ING1: variants seen among roughly 807,000 people sequenced by gnomAD.
ING1 encodes the protein inhibitor of growth protein 1.
In ING1, 4 loss-of-function variants were observed where a neutral mutation model predicts 23.1. The ratio of observed to expected loss-of-function variants is 0.17; its 90% CI spans 0.09 to 0.40. The LOEUF is 0.40. Among genes scored for constraint, ING1 ranks in the 10% least tolerant of loss-of-function variants. The pLI, the probability that ING1 is intolerant of heterozygous loss-of-function variation, is 1.00. For missense variants in ING1, 256 were observed against 393.8 expected (o/e 0.65, Z 2.96); for synonymous variants, 179 against 166.4 (o/e 1.08, Z -0.58).
Position 110,716,153 on chromosome 13 carries a change from G to A in ING1, c.136+1868G>A, listed in dbSNP as rs144185722. 8.8e-4 allele frequency: 731 copies of A among 830,176 alleles called. 6 individuals are homozygous for A. In the African/African-American group the frequency reaches 0.012, roughly 13 times the overall value. 51.4% of individuals were successfully genotyped at this position (830,176 alleles called of 1,614,324 possible). ...GGCAGGGGCTGAGACCACTTTGATC[G>A]TTCGACGATAGAAAAAAGTAGCGCG... On this transcript the variant is annotated intron_variant, in intron 1 of 1. Transcript: ENST00000333219.
Position 110,719,252 on chromosome 13 carries a change from T to G in ING1, c.160T>G (p.Cys54Gly). The G allele has an allele frequency of 6.2e-7, 1 of 1,612,934 alleles. No homozygotes were observed. Among genetic ancestry groups the G allele is most frequent in the Non-Finnish European group, 8.5e-7 (1 of 1,179,896 alleles). The change falls in exon 2 of 2, where the codon TGC (cysteine) becomes GGC (glycine). Residue 54 changes from cysteine to glycine, a missense_variant. Cys to Gly is a radical substitution (Grantham distance 159, BLOSUM62 -3). This residue lies in a region of ING1 where 209 missense variants were observed against 273.8 expected (regional missense o/e 0.76). Transcript: ENST00000333219. This position sits in a 1 kb window ranked among gnomAD's most constrained non-coding sequence, Gnocchi z 8.9. ...AGAGATCCTGAAGGAGCTAGACGAG[T>G]GCTACGAGCGCTTCAGTCGCGAGAC... is the stretch of plus-strand genomic sequence containing the variant. ...YQEILKELDE[C>G]YERFSRETDG...
chr13:110,715,398 G>A (rs758358762), intron 1 of ING1: 8 of 1,525,826 alleles, frequency 5.2e-6, no homozygotes, highest in Non-Finnish European at 7.0e-6. Flanking sequence ...AACTTCATTA[G>A]CATATTATGG....
Position 110,719,668 on chromosome 13 carries a change from C to T in ING1, c.576C>T (p.Ala192=). The change falls in exon 2 of 2, where the codon GCC becomes GCT. Residue 192 remains alanine, a synonymous_variant. Coordinates refer to ENST00000333219, the MANE Select transcript of ING1 (RefSeq NM_198219.3). This position sits in a 1 kb window ranked among gnomAD's most constrained non-coding sequence, Gnocchi z 8.9. ...CCAAGAAGAAGAAGCGCTCCAAGGCCAAGGCGGAGCGAGAGGCGTCCCCTG... is the reference window on the plus strand; with the variant it reads ...CCAAGAAGAAGAAGCGCTCCAAGGCTAAGGCGGAGCGAGAGGCGTCCCCTG... ...KTSKKKKRSK[A]KAEREASPAD... 6.2e-7 allele frequency: 1 copy of T among 1,613,824 alleles called. No individual in the cohort carries two copies. The highest frequency in any genetic ancestry group is 2.2e-5 in the East Asian group (1 of 44,846).
chr13:110,712,909 G>A (rs765351793), upstream of ING1: 15 of 1,537,634 alleles, frequency 9.8e-6, no homozygotes, highest in Middle Eastern at 3.3e-4. Flanking sequence ...CAAAGGGAGG[G>A]CGGTGACGGA....
At position 110,720,038 on chromosome 13, in the gene ING1, A is replaced by G. The variant is rs1322747134; in HGVS notation, c.*106A>G. On this transcript the variant is annotated 3_prime_UTR_variant, in exon 2 of 2. Transcript: ENST00000333219. ...AGTGTAAAATGTATATTTTTAAAGA[A>G]TGTTAGTAAAGGAACCATTCCTTTC... is the stretch of plus-strand genomic sequence containing the variant. 2 of 856,016 alleles carry G rather than the reference A, an allele frequency of 2.3e-6. No homozygotes were observed. Among genetic ancestry groups the G allele is most frequent in the South Asian group, 2.1e-5 (1 of 46,532 alleles). The allele number at this position is 856,016 out of a possible 1,614,324, so 53.0% of individuals were successfully genotyped here.
chr13:110,713,030 C>A, upstream of ING1: 2 of 1,492,140 alleles, frequency 1.3e-6, no homozygotes, highest in Non-Finnish European at 8.9e-7. Context: ...CGAGAGGGTG[C>A]CAGTGCGCAT....
chr13:110,712,816 C>T (rs2064047707), upstream of ING1: 2 of 842,632 alleles, frequency 2.4e-6, no homozygotes, highest in Non-Finnish European at 3.9e-6. Context: ...TCCACCTCTT[C>T]TGGGGCTCGG....
rs773279408 is a variant in ING1 at position 110,722,744 on chromosome 13, T to C, written c.*2812T>C. 4 of 152,164 alleles carry C rather than the reference T, an allele frequency of 2.6e-5. No individual in the cohort carries two copies. Among genetic ancestry groups the C allele is most frequent in the Non-Finnish European group, 5.9e-5 (4 of 68,034 alleles). 9.4% of individuals were successfully genotyped at this position (152,164 alleles called of 1,614,324 possible). A position where few individuals can be genotyped will look rare whatever the true frequency, so the allele number is the denominator to read the frequency against. The stretch of plus-strand genomic sequence containing the variant: ...ATAAGGACAGGTGGGTAGCCACTTA[T>C]TCTTTAAAAAAAAATAGATACAATA... On this transcript the variant is annotated 3_prime_UTR_variant, in exon 2 of 2. Transcript: ENST00000333219.
rs899121349 is a variant in ING1 at position 110,719,365 on chromosome 13, C to A, written c.273C>A (p.Ile91=). ...SQELGDEKIQ[I]VSQMVELVEN... ...AGCTGGGCGACGAGAAGATCCAGAT[C>A]GTGAGCCAGATGGTGGAGCTGGTGG... The change falls in exon 2 of 2, where the codon ATC becomes ATA. Residue 91 remains isoleucine (I), a synonymous_variant. Coordinates refer to ENST00000333219, the MANE Select transcript of ING1 (RefSeq NM_198219.3). The surrounding 1 kb of genome is among the most constrained non-coding windows in gnomAD (Gnocchi z 8.9). 3 of 1,609,774 alleles carry A rather than the reference C, an allele frequency of 1.9e-6. No individual in the cohort carries two copies. Among genetic ancestry groups the A allele is most frequent in the Non-Finnish European group, 1.7e-6 (2 of 1,179,848 alleles).
intron 1 of ING1, 143 bp downstream of exon 1, chr13:110,714,428 A>G (rs921561229): frequency 4.0e-6 from 3 of 741,460 alleles, no homozygotes; most frequent in Non-Finnish European, 5.6e-6. Context: ...GCAGGAACAA[A>G]AGGTCTGGAG....
chr13:110,715,698 C>T (rs1335380433), intron 1 of ING1: 3 of 1,596,232 alleles, frequency 1.9e-6, no homozygotes, highest in Non-Finnish European at 2.6e-6. Context: ...GTGGTTGGTT[C>T]TCCTCCTGGC....
At chr13:110,714,453 C>G (rs2064082974) in intron 1 of ING1, among the ~76,000 whole-genome samples, 168 bp downstream of exon 1, 1 of 152,046 alleles carries the variant, frequency 6.6e-6, no homozygotes, top group African/African-American at 2.4e-5. Context: ...TTTGATTCGC[C>G]AAGGTCCTTG....
Position 110,722,836 on chromosome 13 carries a change from C to G in ING1, c.*2904C>G, listed in dbSNP as rs546138895. 1.3e-5 allele frequency: 2 copies of G among 150,662 alleles called. No individual in the cohort carries two copies. The highest frequency in any genetic ancestry group is 4.1e-4 in the East Asian group (2 of 4,934). 9.3% of individuals were successfully genotyped at this position (150,662 alleles called of 1,614,324 possible). A position where few individuals can be genotyped will look rare whatever the true frequency, so the allele number is the denominator to read the frequency against. On this transcript the variant is annotated 3_prime_UTR_variant, in exon 2 of 2. Coordinates refer to ENST00000333219, the MANE Select transcript of ING1 (RefSeq NM_198219.3). ...TTTCCAGTGGACATTAAAAAAAAAT[C>G]ACAGATAAGTACTTAAAACACTCAA... is the stretch of plus-strand genomic sequence containing the variant.
rs56258926 is a variant in ING1 at position 110,719,019 on chromosome 13, T to TTTGTGTTGTGTTGTG, written c.137-189_137-175dup. On this transcript the variant is annotated intron_variant, in intron 1 of 1. Coordinates refer to ENST00000333219, the MANE Select transcript of ING1 (RefSeq NM_198219.3). The surrounding 1 kb of genome is among the most constrained non-coding windows in gnomAD (Gnocchi z 8.9). The stretch of plus-strand genomic sequence containing the variant: ...TGCCGCTGTGGAAGCTGGGCCGGCA[T>TTTGTGTTGTGTTGTG]TTGTGTTGTGTTGTGTTGTGTTGTG... 0.019 allele frequency among the ~76,000 whole-genome samples: 2,854 copies of TTTGTGTTGTGTTGTG among 148,530 alleles called. 93 individuals are homozygous for TTTGTGTTGTGTTGTG. Among genetic ancestry groups the TTTGTGTTGTGTTGTG allele is most frequent in the African/African-American group, 0.063 (2,518 of 39,896 alleles).
At chr13:110,716,327 C>T (rs1022377489) in intron 1 of ING1, among the ~76,000 whole-genome samples, 3 of 152,150 alleles carry the variant, frequency 2.0e-5, no homozygotes, top group African/African-American at 7.2e-5. Flanking sequence ...GATCACAGTC[C>T]TGCCCCCCCG....
Position 110,719,187 on chromosome 13 carries a change from G to C in ING1, c.137-42G>C. 9 of 1,596,772 alleles carry C rather than the reference G, an allele frequency of 5.6e-6. No homozygotes were observed. Among genetic ancestry groups the C allele is most frequent in the Non-Finnish European group, 7.7e-6 (9 of 1,168,110 alleles). ...CGTCCGGGGCCGTGTGGGTTGTCCC[G>C]GTGTCCTGCTCGCGAGTGACGCCTG... On this transcript the variant is annotated intron_variant, in intron 1 of 1. Coordinates refer to ENST00000333219, the MANE Select transcript of ING1 (RefSeq NM_198219.3). This position sits in a 1 kb window ranked among gnomAD's most constrained non-coding sequence, Gnocchi z 8.9.
rs767139432 is a variant in ING1, at chr13:110,714,215, C to T, written c.66C>T (p.Ser22=). Residue 22 remains serine, a synonymous_variant, in exon 1 of 2, where the codon TCC becomes TCT. Transcript: ENST00000333219. ...ACTATGTGGAGGACTACCTGGACTC[C>T]ATCGAGTCCCTGCCTTTCGACTTGC... is the stretch of plus-strand genomic sequence containing the variant. ...LVNYVEDYLD[S]IESLPFDLQR... 4.6e-5 allele frequency: 72 copies of T among 1,571,120 alleles called. No homozygotes were observed. Among genetic ancestry groups the T allele is most frequent in the Middle Eastern group, 1.7e-4 (1 of 5,972 alleles).
chr13:110,716,099 G>T (rs959792585), intron 1 of ING1: 10 of 1,335,898 alleles, frequency 7.5e-6, no homozygotes, highest in Non-Finnish European at 9.8e-6. Context: ...GGCCCCGTGG[G>T]GTGACCCTGG....
rs1361439399 is a variant in ING1, at chr13:110,714,121, C to G, written c.-29C>G. On this transcript the variant is annotated 5_prime_UTR_variant, in exon 1 of 2. Coordinates refer to ENST00000333219, the MANE Select transcript of ING1 (RefSeq NM_198219.3). ...GGGTGGAGGAAGCGGAAAGCCGCGC[C>G]GAGTCGCCGGGGACCTCCGGGGTGA... 16 of 1,506,128 alleles carry G rather than the reference C, an allele frequency of 1.1e-5. No individual in the cohort carries two copies. The highest frequency in any genetic ancestry group is 1.2e-5 in the Non-Finnish European group (13 of 1,124,714). 93.3% of individuals were successfully genotyped at this position (1,506,128 alleles called of 1,614,324 possible).
Sources: gnomAD v4.1 joint callset for allele counts (sites outside exome capture counted in the v4.1 genomes callset) on GRCh38, gnomAD v4.1.1 for gene constraint, gnomAD v4.1.1 regional missense constraint, Gnocchi (gnomAD v3.1) non-coding constraint, MANE v1.5 for transcripts, NCBI Gene and HGNC (gene_info 2026-07-23, HGNC 2026-07-21) for gene names.